The following FAM227B variants were observed in gnomAD, a reference collection of about 807,000 sequenced individuals.
FAM227B encodes the protein family with sequence similarity 227 member B.
Under a neutral mutation model 73.8 loss-of-function variants are expected in FAM227B, and 88 were observed. That is an observed-to-expected ratio of 1.19 (90% confidence interval 1.00 to 1.42). The LOEUF is 1.42. Ranked by LOEUF, FAM227B falls within the 40% of genes most tolerant of loss-of-function variation. FAM227B has a pLI of 0.00. For synonymous variants in FAM227B, 210 were observed against 190.5 expected, an observed-to-expected ratio of 1.10 and a Z score of -0.84; for missense variants, 632 against 590.9, an observed-to-expected ratio of 1.07 and a Z score of -0.72.
chr15:49,412,348 A>G (rs1477529032), intron 11 of FAM227B, among the ~76,000 whole-genome samples: 1 of 152,082 alleles, frequency 6.6e-6, no homozygotes, highest in Non-Finnish European at 1.5e-5. Flanking sequence ...ATAATCTGAT[A>G]TGAGCAACTC....
intron 11 of FAM227B, among the ~76,000 whole-genome samples, chr15:49,501,844 T>A (rs896950345): frequency 1.3e-5 from 2 of 152,214 alleles, no homozygotes; most frequent in African/African-American, 2.4e-5. Flanking sequence ...AATGGTTTTA[T>A]GGGTCAGGCC....
intron 13 of FAM227B, among the ~76,000 whole-genome samples, chr15:49,342,440 G>A (rs1452383262): frequency 6.6e-6 from 1 of 152,098 alleles, no homozygotes; most frequent in Admixed American, 6.6e-5. Flanking sequence ...TGTAAAAAGG[G>A]TCTCTTGAAG....
chr15:49,328,927 C>T (rs1321981528), intron 15 of FAM227B: 1 of 1,192,052 alleles, frequency 8.4e-7, no homozygotes, highest in African/African-American at 1.5e-5. Context: ...ATAAAAAACA[C>T]TTTAAGACTC....
chr15:49,375,336 G>T (rs577846460), intron 11 of FAM227B, among the ~76,000 whole-genome samples: 1 of 152,058 alleles, frequency 6.6e-6, no homozygotes, highest in Admixed American at 6.5e-5. Flanking sequence ...TATCACACTT[G>T]GTTCCCAAGG....
chr15:49,615,566 T>C (rs1438534697), intron 1 of FAM227B, among the ~76,000 whole-genome samples: 4 of 152,176 alleles, frequency 2.6e-5, no homozygotes, highest in Admixed American at 2.0e-4. Context: ...TCCAGCCATG[T>C]AGGACGCATC....
intron 11 of FAM227B, among the ~76,000 whole-genome samples, chr15:49,503,016 T>C (rs1430994089): frequency 1.3e-5 from 2 of 152,190 alleles, no homozygotes; most frequent in Non-Finnish European, 2.9e-5. Context: ...GTTACCTGAC[T>C]TCAAACTATA....
intron 11 of FAM227B, among the ~76,000 whole-genome samples, chr15:49,388,949 A>G (rs1441181235): frequency 6.6e-6 from 1 of 151,940 alleles, no homozygotes. Context: ...ATCACAATGA[A>G]TTCTGAAAGA....
chr15:49,534,782 A>C (rs1322370529), intron 10 of FAM227B, among the ~76,000 whole-genome samples: 1 of 151,826 alleles, frequency 6.6e-6, no homozygotes, highest in Non-Finnish European at 1.5e-5. Flanking sequence ...CAGAAACTAC[A>C]AGTTAATAAT....
At chr15:49,439,288 G>A (rs1239112950) in intron 11 of FAM227B, among the ~76,000 whole-genome samples, 1 of 151,656 alleles carries the variant, frequency 6.6e-6, no homozygotes, top group East Asian at 2.0e-4. Flanking sequence ...GAGAGAGAGA[G>A]AGAGAGGGAG....
intron 11 of FAM227B, chr15:49,396,011 G>C (rs1335082627): frequency 2.2e-6 from 1 of 455,586 alleles, no homozygotes; most frequent in African/African-American, 2.0e-5. Flanking sequence ...GGCCAAATAG[G>C]AACAGCTCCG....
chr15:49,559,754 G>C (rs1312696867), intron 9 of FAM227B, among the ~76,000 whole-genome samples: 1 of 152,062 alleles, frequency 6.6e-6, no homozygotes, highest in Non-Finnish European at 1.5e-5. Flanking sequence ...GACCAACATG[G>C]TGAAACCCCG....
At chr15:49,329,127 G>T (rs2038097152) in intron 15 of FAM227B, 2 of 991,984 alleles carry the variant, frequency 2.0e-6, no homozygotes, top group South Asian at 4.6e-5. Flanking sequence ...AAGCTTGTTT[G>T]TATATATGCA....
intron 3 of FAM227B, among the ~76,000 whole-genome samples, chr15:49,602,388 A>G (rs2077263472): frequency 6.6e-6 from 1 of 152,196 alleles, no homozygotes; most frequent in African/African-American, 2.4e-5. Flanking sequence ...CATTTCTCTG[A>G]TGATCAGTGA....
At chr15:49,504,263 C>A (rs2058392518) in intron 11 of FAM227B, among the ~76,000 whole-genome samples, 1 of 130,876 alleles carries the variant, frequency 7.6e-6, no homozygotes, top group Non-Finnish European at 1.6e-5. Context: ...ACATCACACC[C>A]CGGGGCCTGT....
chr15:49,573,510 G>A (rs1054512025), intron 8 of FAM227B, among the ~76,000 whole-genome samples: 2 of 152,152 alleles, frequency 1.3e-5, no homozygotes, highest in African/African-American at 4.8e-5. Flanking sequence ...TTTGGGTCTT[G>A]GGGACATTAC....
intron 10 of FAM227B, among the ~76,000 whole-genome samples, chr15:49,535,700 A>G (rs2060956136): frequency 1.3e-5 from 2 of 151,848 alleles, no homozygotes; most frequent in African/African-American, 4.8e-5. Context: ...AAGCACATGA[A>G]AAAGATTATA....
chr15:49,541,830 ATTAATT>A (rs2071110333), intron 9 of FAM227B, 24 bp from the exon 10 acceptor site: 1 of 1,330,550 alleles, frequency 7.5e-7, no homozygotes, highest in African/African-American at 1.5e-5. Context: ...ATCAAATTAG[ATTAATT>A]TTATATTTTT....
chr15:49,413,393 C>A (rs988352202), intron 11 of FAM227B, among the ~76,000 whole-genome samples: 2 of 152,050 alleles, frequency 1.3e-5, no homozygotes, highest in Non-Finnish European at 2.9e-5. Flanking sequence ...TGAGGCCTCC[C>A]CAACCATGTG....
At position 49,422,498 on chromosome 15, in the gene FAM227B, A is replaced by G. The variant is rs1210849717; in HGVS notation, c.1013-51099T>C. ...GAAACCATTTCCTCCTTTTTAAAGAATAACAGCTTTTAAAAGTAGGTGCCC... is the reference window on the plus strand; with the variant it reads ...GAAACCATTTCCTCCTTTTTAAAGAGTAACAGCTTTTAAAAGTAGGTGCCC... On this transcript the variant is annotated intron_variant, in intron 11 of 15. Transcript: ENST00000299338. 2.4e-6 allele frequency: 3 copies of G among 1,274,868 alleles called. No homozygotes were observed. In the South Asian group the frequency reaches 9.1e-5, roughly 39 times the overall value. 79.0% of individuals were successfully genotyped at this position (1,274,868 alleles called of 1,614,324 possible).
Sources: allele counts gnomAD v4.1 joint callset (sites outside exome capture counted in the v4.1 genomes callset), GRCh38; gene constraint gnomAD v4.1.1; transcripts MANE v1.5; gene names NCBI Gene and HGNC (gene_info 2026-07-23, HGNC 2026-07-21).